DACH1: variants seen among roughly 807,000 people sequenced by gnomAD.
The protein encoded by DACH1 is dachshund homolog 1.
DACH1 carries 12 observed loss-of-function variants against 54.2 expected under a neutral mutation model. The observed-to-expected ratio is 0.22, with a 90% confidence interval of 0.14 to 0.36. DACH1 has a LOEUF of 0.36. Ranked by LOEUF, DACH1 falls within the 10% of genes least tolerant of loss-of-function variation. DACH1 has a pLI of 1.00. For synonymous variants in DACH1, 386 were observed against 366.2 expected (o/e 1.05, Z -0.62); for missense variants, 805 against 929.8 (o/e 0.87, Z 1.75).
At chr13:71,850,276 A>G (rs1873572002) in intron 1 of DACH1, among the ~76,000 whole-genome samples, 1 of 152,198 alleles carries the variant, frequency 6.6e-6, no homozygotes, top group Admixed American at 6.5e-5. Context: ...TAACAGAGTA[A>G]TTTATGTTCA....
chr13:71,832,800 A>T (rs1373278125), intron 1 of DACH1, among the ~76,000 whole-genome samples: 2 of 151,918 alleles, frequency 1.3e-5, no homozygotes, highest in Admixed American at 1.3e-4. Flanking sequence ...CATTTTGTTT[A>T]TTCTCATTTC....
At chr13:71,658,557 A>T (rs946363193) in intron 2 of DACH1, among the ~76,000 whole-genome samples, 2 of 152,192 alleles carry the variant, frequency 1.3e-5, no homozygotes, top group African/African-American at 4.8e-5. Flanking sequence ...TCTCAAAAAA[A>T]AGTAATAAAA....
chr13:71,516,560 C>A (rs1881174857), intron 6 of DACH1, among the ~76,000 whole-genome samples: 1 of 151,804 alleles, frequency 6.6e-6, no homozygotes, highest in African/African-American at 2.4e-5. Context: ...CCTTAAAACA[C>A]ATATATATTT....
intron 6 of DACH1, among the ~76,000 whole-genome samples, chr13:71,556,556 C>A (rs1884263418): frequency 6.6e-6 from 1 of 151,992 alleles, no homozygotes; most frequent in South Asian, 2.1e-4. Context: ...CCTGAGGTTT[C>A]TTGGTATATC....
chr13:71,481,687 T>C (rs1171366365), intron 7 of DACH1, among the ~76,000 whole-genome samples: 2 of 152,176 alleles, frequency 1.3e-5, no homozygotes, highest in South Asian at 4.1e-4. Context: ...AGAGCCAAAC[T>C]GATGCATATG....
chr13:71,649,349 C>A (rs144154416), intron 2 of DACH1, among the ~76,000 whole-genome samples: 1 of 152,146 alleles, frequency 6.6e-6, no homozygotes, highest in Admixed American at 6.6e-5. Context: ...CATGAATGTA[C>A]ATGAATGGAT....
At chr13:71,673,562 C>T (rs979086156) in intron 2 of DACH1, among the ~76,000 whole-genome samples, 3 of 151,688 alleles carry the variant, frequency 2.0e-5, no homozygotes, top group Admixed American at 6.6e-5. Flanking sequence ...GTAATATGTT[C>T]CCATGGACAC....
intron 1 of DACH1, among the ~76,000 whole-genome samples, chr13:71,857,610 C>T (rs906440338): frequency 1.3e-5 from 2 of 151,626 alleles, no homozygotes; most frequent in African/African-American, 4.8e-5. Flanking sequence ...GTTCTCTAAA[C>T]TACTGATAAA....
chr13:71,840,229 T>C (rs1274318507), intron 1 of DACH1, among the ~76,000 whole-genome samples: 73 of 152,308 alleles, frequency 4.8e-4, no homozygotes, highest in Non-Finnish European at 1.0e-4. Flanking sequence ...ATTACAGGCA[T>C]GAGCCACCAC....
intron 6 of DACH1, among the ~76,000 whole-genome samples, chr13:71,554,332 C>A (rs977654545): frequency 1.1e-4 from 16 of 152,056 alleles, no homozygotes; most frequent in African/African-American, 3.9e-4. Flanking sequence ...CATTTGAAAT[C>A]AATGATACTT....
intron 1 of DACH1, among the ~76,000 whole-genome samples, chr13:71,778,381 A>T (rs1038191255): frequency 1.3e-5 from 2 of 151,996 alleles, no homozygotes; most frequent in Non-Finnish European, 2.9e-5. Flanking sequence ...TGTCTTTAAC[A>T]TTAGAGTAAA....
chr13:71,575,985 G>C (rs1203493786), intron 3 of DACH1, among the ~76,000 whole-genome samples: 1 of 151,948 alleles, frequency 6.6e-6, no homozygotes, highest in African/African-American at 2.4e-5. Flanking sequence ...AACAAGACCT[G>C]CCCACAGTTA....
chr13:71,860,573 T>C (rs553389019), intron 1 of DACH1, among the ~76,000 whole-genome samples: 5 of 151,878 alleles, frequency 3.3e-5, no homozygotes, highest in African/African-American at 4.8e-5. Flanking sequence ...AAATGTTTAA[T>C]GAAATCTAGA....
intron 1 of DACH1, among the ~76,000 whole-genome samples, chr13:71,716,903 G>T (rs1464652313): frequency 6.6e-6 from 1 of 152,122 alleles, no homozygotes; most frequent in South Asian, 2.1e-4. Context: ...TGCCATGGTG[G>T]TTTGCTGCAA....
At chr13:71,704,566 C>A in intron 1 of DACH1, 1 of 468,026 alleles carries the variant, frequency 2.1e-6, no homozygotes, top group Admixed American at 2.3e-5. Context: ...GAAGCACCAG[C>A]CTGCTCCACC....
At chr13:71,840,349 C>A (rs986951621) in intron 1 of DACH1, among the ~76,000 whole-genome samples, 1 of 152,174 alleles carries the variant, frequency 6.6e-6, no homozygotes, top group Non-Finnish European at 1.5e-5. Context: ...TATCATTCCC[C>A]TAATTAAAAA....
chr13:71,640,446 T>C (rs1877813943), intron 2 of DACH1, among the ~76,000 whole-genome samples: 1 of 152,032 alleles, frequency 6.6e-6, no homozygotes, highest in African/African-American at 2.4e-5. Flanking sequence ...TCCTATGTAT[T>C]ACATAGGGCA....
chr13:71,832,611 A>G (rs1005920785), intron 1 of DACH1, among the ~76,000 whole-genome samples: 7 of 151,954 alleles, frequency 4.6e-5, no homozygotes, highest in African/African-American at 1.7e-4. Flanking sequence ...CAAGTAGATC[A>G]TAGCTAGAGT....
At chr13:71,523,672 T>A (rs1000563525) in intron 6 of DACH1, among the ~76,000 whole-genome samples, 17 of 152,096 alleles carry the variant, frequency 1.1e-4, no homozygotes, top group Admixed American at 5.9e-4. Context: ...ATTATTCTCA[T>A]CTATTCAGAT....
Sources: allele counts gnomAD v4.1 joint callset (sites outside exome capture counted in the v4.1 genomes callset), GRCh38; gene constraint gnomAD v4.1.1; transcripts MANE v1.5; gene names NCBI Gene and HGNC (gene_info 2026-07-23, HGNC 2026-07-21).